The following PRP4K variants were observed in gnomAD, a reference collection of about 807,000 sequenced individuals.
PRP4K encodes the protein pre-mRNA processing factor kinase PRP4K, also known as serine/threonine-protein kinase PRP4 homolog.
At chr6:4,057,196 T>C in the PRP4K span, 1 of 1,606,810 alleles carries the variant, frequency 6.2e-7, no homozygotes, top group South Asian at 1.1e-5. Context: ...AGGTAAGACA[T>C]TAGCATGAGC....
the PRP4K span, chr6:4,031,664 A>G: frequency 6.2e-7 from 1 of 1,606,904 alleles, no homozygotes; most frequent in African/African-American, 1.3e-5. Context: ...AGAAGCATAA[A>G]CACAGAAGTA....
the PRP4K span, among the ~76,000 whole-genome samples, chr6:4,035,297 T>TTA: frequency 7.6e-6 from 1 of 132,182 alleles, no homozygotes; most frequent in Admixed American, 7.7e-5. Flanking sequence ...TTTTTTTTTT[T>TTA]TTTTTTTTTT....
At chr6:4,049,465 C>A in the PRP4K span, 6 of 475,228 alleles carry the variant, frequency 1.3e-5, no homozygotes, top group Admixed American at 1.9e-4. Context: ...ATTTGTCATG[C>A]GGGACTACAA....
At chr6:4,050,818 AT>A in the PRP4K span, among the ~76,000 whole-genome samples, 1 of 152,240 alleles carries the variant, frequency 6.6e-6, no homozygotes, top group Non-Finnish European at 1.5e-5. Flanking sequence ...TTATTGACAA[AT>A]TGTAACAAGA....
the PRP4K span, chr6:4,043,803 G>T: frequency 6.2e-7 from 1 of 1,607,794 alleles, no homozygotes; most frequent in South Asian, 1.1e-5. Flanking sequence ...CTTCTGTATT[G>T]TTATTACAGA....
At chr6:4,054,707 T>C in the PRP4K span, among the ~76,000 whole-genome samples, 365 of 152,280 alleles carry the variant, frequency 2.4e-3, 1 homozygote, top group Non-Finnish European at 3.8e-3. Context: ...GGTTTCACCA[T>C]GTTGGCCAGG....
At chr6:4,048,785 C>G in the PRP4K span, among the ~76,000 whole-genome samples, 1 of 150,976 alleles carries the variant, frequency 6.6e-6, no homozygotes, top group Non-Finnish European at 1.5e-5. Context: ...CTGTGTTGCC[C>G]AGGCTGGGAG....
At chr6:4,039,088 T>C in the PRP4K span, among the ~76,000 whole-genome samples, 2 of 152,186 alleles carry the variant, frequency 1.3e-5, no homozygotes, top group African/African-American at 2.4e-5. Context: ...CTTTGCTATA[T>C]TGTGTTTCTT....
chr6:4,056,852 TTTTAAG>T, the PRP4K span: 3 of 1,087,718 alleles, frequency 2.8e-6, no homozygotes, highest in South Asian at 1.7e-5. Flanking sequence ...TTTTTAAGGT[TTTTAAG>T]TTTGAGTCTC....
chr6:4,032,777 A>C, the PRP4K span: 1 of 1,530,980 alleles, frequency 6.5e-7, no homozygotes, highest in Non-Finnish European at 8.7e-7. Flanking sequence ...ACAAAATGTT[A>C]AAGCTTTTTA....
At chr6:4,043,874 A>G in the PRP4K span, 1 of 1,614,184 alleles carries the variant, frequency 6.2e-7, no homozygotes, top group Non-Finnish European at 8.5e-7. Flanking sequence ...AGCAGCCCCC[A>G]GAGCAGTACG....
chr6:4,029,859 A>G, the PRP4K span, among the ~76,000 whole-genome samples: 1 of 151,410 alleles, frequency 6.6e-6, no homozygotes, highest in African/African-American at 2.4e-5. Flanking sequence ...TTTTATGGTT[A>G]TGTCATGTGA....
the PRP4K span, chr6:4,061,620 T>C: frequency 1.3e-5 from 2 of 152,648 alleles, no homozygotes; most frequent in African/African-American, 2.4e-5. Flanking sequence ...GTTCATTGTT[T>C]TCATTATTTG....
chr6:4,058,012 T>TTTG, the PRP4K span, among the ~76,000 whole-genome samples: 5 of 152,102 alleles, frequency 3.3e-5, no homozygotes, highest in African/African-American at 4.8e-5. Context: ...TCAGTTGTGT[T>TTTG]TTGTTGTTGT....
At chr6:4,047,081 A>G in the PRP4K span, 1 of 1,062,970 alleles carries the variant, frequency 9.4e-7, no homozygotes, top group Non-Finnish European at 1.4e-6. Flanking sequence ...GAGGGCAAAA[A>G]AGTTTGAATT....
At chr6:4,041,251 A>G in the PRP4K span, among the ~76,000 whole-genome samples, 11 of 152,178 alleles carry the variant, frequency 7.2e-5, no homozygotes, top group Admixed American at 2.6e-4. Context: ...GGAATTTTCT[A>G]TAAAAGTTTA....
chr6:4,040,007 C>A, the PRP4K span, among the ~76,000 whole-genome samples: 2 of 151,884 alleles, frequency 1.3e-5, no homozygotes, highest in Non-Finnish European at 2.9e-5. Context: ...AAGGAATCCT[C>A]CCGGTAGCTG....
chr6:4,021,425 G>A, the PRP4K span: 2 of 1,583,424 alleles, frequency 1.3e-6, no homozygotes, highest in Non-Finnish European at 1.7e-6. Context: ...GGAAGTTCAA[G>A]ATGGCCGCCG....
chr6:4,064,465 C>T, the PRP4K span: 7 of 152,288 alleles, frequency 4.6e-5, no homozygotes, highest in African/African-American at 9.7e-5. Context: ...AAAATTTAGG[C>T]GAAGTAGTTA....
Sources: allele counts gnomAD v4.1 joint callset (sites outside exome capture counted in the v4.1 genomes callset), GRCh38; gene constraint gnomAD v4.1.1; transcripts MANE v1.5; gene names NCBI Gene and HGNC (gene_info 2026-07-23, HGNC 2026-07-21).